The following EDARADD variants were observed in gnomAD, a reference collection of about 807,000 sequenced individuals.
EDARADD encodes EDAR associated via death domain.
Under a neutral mutation model 25.6 loss-of-function variants are expected in EDARADD, and 20 were observed. The observed-to-expected ratio is 0.78, with a 90% CI of 0.55 to 1.14. The LOEUF (loss-of-function observed/expected upper bound fraction) is 1.14, where lower values mean the gene tolerates loss of function less well. Ranked by LOEUF, EDARADD falls within the 50% of genes most tolerant of loss-of-function variation. The probability of loss-of-function intolerance (pLI) is 0.00; values close to 1 mark genes in which losing one functional copy is unlikely to be tolerated. For synonymous variants in EDARADD, 86 were observed against 94.4 expected, an observed-to-expected ratio of 0.91 and a Z score of 0.52; for missense variants, 225 against 270.1, an observed-to-expected ratio of 0.83 and a Z score of 1.17.
At chr1:236,471,877 C>T (rs1332834371) in intron 5 of EDARADD, among the ~76,000 whole-genome samples, 5 of 152,116 alleles carry the variant, frequency 3.3e-5, no homozygotes, top group Admixed American at 2.0e-4. Flanking sequence ...TGACTGGAGC[C>T]GTTTCTACGC....
intron 5 of EDARADD, among the ~76,000 whole-genome samples, chr1:236,471,842 AGTCT>A (rs1354661346): frequency 6.6e-6 from 1 of 152,194 alleles, no homozygotes; most frequent in Non-Finnish European, 1.5e-5. Context: ...ACATTAAGTC[AGTCT>A]GTGATCTGCT....
intron 4 of EDARADD, among the ~76,000 whole-genome samples, chr1:236,432,674 C>T (rs1658129284): frequency 1.3e-5 from 2 of 151,978 alleles, no homozygotes; most frequent in African/African-American, 4.8e-5. Context: ...CACCTGAGAT[C>T]AGGAATTCTA....
Position 236,429,408 on chromosome 1 carries a change from C to T in EDARADD, c.219+1958C>T, listed in dbSNP as rs533739459. 6.6e-5 allele frequency among the ~76,000 whole-genome samples: 10 copies of T among 150,892 alleles called. No individual in the cohort carries two copies. In the South Asian group the frequency reaches 8.5e-4, roughly 13 times the overall value. On this transcript the variant is annotated intron_variant, in intron 4 of 5. Transcript: ENST00000334232. ...TTATTTATTTTTTTAGACAGAGTCT[C>T]GCTCTGTCACCCAGGCTGGAGTGCA...
At chr1:236,420,708 A>G (rs544873391) in intron 3 of EDARADD, among the ~76,000 whole-genome samples, 1 of 152,304 alleles carries the variant, frequency 6.6e-6, no homozygotes, top group East Asian at 1.9e-4. Context: ...CAGACGAATG[A>G]ACACACTGGA....
chr1:236,357,552 A>G (rs1474242473), intron 3 of EDARADD, among the ~76,000 whole-genome samples: 1 of 152,162 alleles, frequency 6.6e-6, no homozygotes, highest in Non-Finnish European at 1.5e-5. Flanking sequence ...GCGTGGCACC[A>G]GCATCTGCTT....
In EDARADD at chr1:236,484,156, C is replaced by T. The variant is rs1659763407; in HGVS notation, c.*1507C>T. The T allele has an allele frequency of 7.5e-7, 1 of 1,334,744 alleles. No homozygotes were observed. The allele number at this position is 1,334,744 out of a possible 1,614,324, so 82.7% of individuals were successfully genotyped here. A position where few individuals can be genotyped will look rare whatever the true frequency, so the allele number is the denominator to read the frequency against. On this transcript the variant is annotated 3_prime_UTR_variant, in exon 6 of 6. Transcript: ENST00000334232. The surrounding 1 kb of genome is among the most constrained non-coding windows in gnomAD (Gnocchi z 4.1). ...ACCAACCCAAAGAGGACAGCCTCGG[C>T]CGTGAATGAGAAGAAGTGCAACTGC...
At chr1:236,465,673 G>C (rs1285020335) in intron 4 of EDARADD, among the ~76,000 whole-genome samples, 1 of 152,152 alleles carries the variant, frequency 6.6e-6, no homozygotes, top group Non-Finnish European at 1.5e-5. Context: ...GAGGTCAAGG[G>C]TTCAGGTCAT....
chr1:236,421,489 CTTTTTTTTTTTTT>C (rs34922732), intron 3 of EDARADD, among the ~76,000 whole-genome samples: 4 of 75,444 alleles, frequency 5.3e-5, no homozygotes, highest in South Asian at 5.2e-4. Context: ...CTTCCCAGTT[CTTTTTTTTTTTTT>C]TTTTTTTTTT....
chr1:236,419,680 C>T (rs1309384530), intron 3 of EDARADD, among the ~76,000 whole-genome samples: 1 of 152,156 alleles, frequency 6.6e-6, no homozygotes, highest in East Asian at 1.9e-4. Context: ...GAGAGCGAGG[C>T]AAGCCTGGGT....
intron 3 of EDARADD, among the ~76,000 whole-genome samples, chr1:236,371,986 G>A (rs1345890412): frequency 2.7e-5 from 4 of 150,612 alleles, no homozygotes; most frequent in South Asian, 2.1e-4. Flanking sequence ...ATGGAGTCTC[G>A]CTCTGTCTCT....
chr1:236,463,881 C>G (rs541956292), intron 4 of EDARADD, among the ~76,000 whole-genome samples: 54 of 152,306 alleles, frequency 3.5e-4, no homozygotes, highest in Admixed American at 2.0e-3. Flanking sequence ...AGGTCCATCC[C>G]TTGCTCCTTG....
chr1:236,442,476 G>A (rs1203929878), intron 4 of EDARADD, among the ~76,000 whole-genome samples: 1 of 152,202 alleles, frequency 6.6e-6, no homozygotes, highest in Non-Finnish European at 1.5e-5. Context: ...GAGAGGAGAA[G>A]TCAATTCCTG....
At chr1:236,429,161 C>T (rs2103017128) in intron 4 of EDARADD, among the ~76,000 whole-genome samples, 1 of 148,034 alleles carries the variant, frequency 6.8e-6, no homozygotes, top group Admixed American at 6.7e-5. Flanking sequence ...CCAGCCTCGG[C>T]TCGGCATCAG....
At chr1:236,399,989 C>G (rs541092958) in intron 1 of EDARADD, among the ~76,000 whole-genome samples, 3 of 152,326 alleles carry the variant, frequency 2.0e-5, no homozygotes, top group Non-Finnish European at 2.9e-5. Flanking sequence ...GCATTGGGCG[C>G]AGTACCCAGG....
intron 4 of EDARADD, among the ~76,000 whole-genome samples, chr1:236,439,740 A>G (rs2103021738): frequency 6.6e-6 from 1 of 152,302 alleles, no homozygotes; most frequent in East Asian, 1.9e-4. Flanking sequence ...TATATTTCAG[A>G]TAACAGTCCT....
At chr1:236,459,611 C>CCTTTTTTTTTTTTTTTTTTTT (rs776064017) in intron 4 of EDARADD, among the ~76,000 whole-genome samples, 2 of 100,462 alleles carry the variant, frequency 2.0e-5, no homozygotes, top group Non-Finnish European at 2.0e-5. Context: ...TTATTTAGCT[C>CCTTTTTTTTTTTTTTTTTTTT]TTTTTTTTTT....
intron 3 of EDARADD, among the ~76,000 whole-genome samples, chr1:236,357,297 A>G (rs541750348): frequency 6.6e-6 from 1 of 152,318 alleles, no homozygotes; most frequent in African/African-American, 2.4e-5. Context: ...AGGCTTTTTC[A>G]CAAAATACTG....
At chr1:236,478,739 A>T (rs1045760687) in intron 5 of EDARADD, among the ~76,000 whole-genome samples, 10 of 152,138 alleles carry the variant, frequency 6.6e-5, no homozygotes, top group African/African-American at 2.4e-4. Context: ...GGCGCCCGCC[A>T]TCACGCCCAG....
chr1:236,397,913 T>A (rs989169346), intron 1 of EDARADD, among the ~76,000 whole-genome samples: 1 of 152,076 alleles, frequency 6.6e-6, no homozygotes, highest in African/African-American at 2.4e-5. Context: ...AGACATCCCC[T>A]TACTCCTATT....
Sources: gnomAD v4.1 joint callset for allele counts (sites outside exome capture counted in the v4.1 genomes callset) on GRCh38, gnomAD v4.1.1 for gene constraint, Gnocchi (gnomAD v3.1) non-coding constraint, MANE v1.5 for transcripts, NCBI Gene and HGNC (gene_info 2026-07-23, HGNC 2026-07-21) for gene names.